Variants in NALCN observed in about 807,000 individuals in gnomAD.
NALCN encodes the protein sodium leak channel, non-selective.
NALCN carries 111 observed loss-of-function variants against 225.3 expected under a neutral mutation model. That is an observed-to-expected ratio of 0.49 (90% CI 0.42 to 0.58). NALCN has a LOEUF of 0.58. NALCN is among the 20% of genes least tolerant of loss of function. NALCN has a pLI of 0.00. For synonymous variants in NALCN, 764 were observed against 769.0 expected (o/e 0.99, Z 0.11); for missense variants, 1,378 against 2,202.4 (o/e 0.63, Z 7.49).
intron 13 of NALCN, among the ~76,000 whole-genome samples, chr13:101,201,223 T>G (rs2040108619): frequency 2.0e-5 from 3 of 152,306 alleles, no homozygotes; most frequent in Non-Finnish European, 1.5e-5. Context: ...CCTTTTAAAG[T>G]GTACGATTAA....
At chr13:101,214,633 G>A (rs2040660103) in intron 13 of NALCN, among the ~76,000 whole-genome samples, 2 of 152,114 alleles carry the variant, frequency 1.3e-5, no homozygotes, top group South Asian at 4.2e-4. Context: ...AAAAACTCCA[G>A]GGACCAAAAG....
intron 1 of NALCN, among the ~76,000 whole-genome samples, chr13:101,409,530 G>A (rs2047718980): frequency 6.6e-6 from 1 of 152,024 alleles, no homozygotes; most frequent in Admixed American, 6.6e-5. Flanking sequence ...TAATTATCCA[G>A]TGTTGGATAT....
At chr13:101,232,377 T>C (rs2041382085) in intron 12 of NALCN, among the ~76,000 whole-genome samples, 1 of 152,102 alleles carries the variant, frequency 6.6e-6, no homozygotes, top group South Asian at 2.1e-4. Context: ...ATGTAAGAAA[T>C]TATGTTGTTC....
At chr13:101,370,154 A>G (rs71441508) in intron 6 of NALCN, among the ~76,000 whole-genome samples, 1 of 152,212 alleles carries the variant, frequency 6.6e-6, no homozygotes, top group African/African-American at 2.4e-5. Flanking sequence ...TGAATATAAC[A>G]CAATATCCTC....
At chr13:101,370,458 G>A (rs1402184625) in intron 6 of NALCN, among the ~76,000 whole-genome samples, 6 of 152,190 alleles carry the variant, frequency 3.9e-5, no homozygotes, top group African/African-American at 1.2e-4. Flanking sequence ...CATGTGAGGC[G>A]GAAGACCAGG....
intron 7 of NALCN, among the ~76,000 whole-genome samples, chr13:101,318,124 C>T (rs545513440): frequency 6.6e-6 from 1 of 152,188 alleles, no homozygotes; most frequent in East Asian, 1.9e-4. Flanking sequence ...AGCCGGAAAC[C>T]TCTGTAGCCA....
At chr13:101,177,408 A>AGT (rs1417183713) in intron 14 of NALCN, among the ~76,000 whole-genome samples, 1 of 82,366 alleles carries the variant, frequency 1.2e-5, no homozygotes, top group Non-Finnish European at 2.9e-5. Context: ...AGTAAATACG[A>AGT]GTATATATAT....
Position 101,111,150 on chromosome 13 carries a change from G to A in NALCN, c.2269C>T (p.Gln757Ter). Reference sequence around the variant, plus strand: ...CTGCGCTCTTGGCGGATATGATGCTGCACGCTGAGGATTGACCTCTCCTTT... The same window carrying A: ...CTGCGCTCTTGGCGGATATGATGCTACACGCTGAGGATTGACCTCTCCTTT... ...PAKERSILSV[Q>*]HHIRQERRSL... Residue 757 changes from glutamine (Q) to a stop codon, truncating the protein, a stop_gained, in exon 19 of 44, where the codon CAG becomes TAG. Coordinates refer to ENST00000251127, the MANE Select transcript of NALCN (RefSeq NM_052867.4). LOFTEE classifies it high-confidence loss of function. 1 of 1,608,062 alleles carries A rather than the reference G, an allele frequency of 6.2e-7. No homozygotes were observed. Among genetic ancestry groups the A allele is most frequent in the Non-Finnish European group, 8.5e-7 (1 of 1,175,418 alleles).
intron 18 of NALCN, among the ~76,000 whole-genome samples, chr13:101,113,453 G>T (rs1459235874): frequency 6.6e-6 from 1 of 152,158 alleles, no homozygotes; most frequent in Admixed American, 6.5e-5. Context: ...AAGAAATTTT[G>T]CTATTTTGGA....
intron 1 of NALCN, among the ~76,000 whole-genome samples, chr13:101,413,989 G>T (rs2047860321): frequency 6.6e-6 from 1 of 151,850 alleles, no homozygotes. Flanking sequence ...GGGCTCACGC[G>T]ATCCTTCCAC....
chr13:101,380,462 TA>T (rs1490984923), intron 3 of NALCN, among the ~76,000 whole-genome samples: 1 of 152,192 alleles, frequency 6.6e-6, no homozygotes, highest in Non-Finnish European at 1.5e-5. Flanking sequence ...TTAGAAACTT[TA>T]AACAGAAAAG....
intron 15 of NALCN, among the ~76,000 whole-genome samples, chr13:101,161,451 C>A (rs2038180402): frequency 6.6e-6 from 1 of 152,194 alleles, no homozygotes; most frequent in African/African-American, 2.4e-5. Context: ...GAGACTCTCT[C>A]ACTCATGTCT....
At chr13:101,402,755 G>A (rs948730136) in intron 1 of NALCN, among the ~76,000 whole-genome samples, 10 of 152,228 alleles carry the variant, frequency 6.6e-5, no homozygotes, top group South Asian at 4.1e-4. Flanking sequence ...GTAGGAAGAC[G>A]GTGCCAACAC....
intron 7 of NALCN, among the ~76,000 whole-genome samples, chr13:101,304,877 T>C (rs2044102632): frequency 6.7e-6 from 1 of 148,692 alleles, no homozygotes. Flanking sequence ...TGCCTCAGCC[T>C]CCCGAGTAGC....
chr13:101,282,642 A>G (rs945907367), intron 10 of NALCN, among the ~76,000 whole-genome samples: 1 of 152,202 alleles, frequency 6.6e-6, no homozygotes, highest in Non-Finnish European at 1.5e-5. Flanking sequence ...TTAGATCTTA[A>G]GTGTTACCCC....
chr13:101,143,869 AAG>A (rs2037215143), intron 16 of NALCN, among the ~76,000 whole-genome samples: 4 of 152,230 alleles, frequency 2.6e-5, no homozygotes, highest in African/African-American at 9.6e-5. Context: ...AAGAATGACT[AAG>A]AGAGAATTTT....
chr13:101,081,520 T>C lies in NALCN; in HGVS notation c.3885+7A>G, dbSNP rs749114389. 5 of 1,613,998 alleles carry C rather than the reference T, an allele frequency of 3.1e-6. No homozygotes were observed. In the South Asian group the frequency reaches 3.3e-5, roughly 11 times the overall value. ...TCAGCTGAAATCAACTTGACTTCTA[T>C]GCTTACCAGGAGGGCAAAGTGAAGC... On this transcript the variant is annotated splice_region_variant and intron_variant, in intron 34 of 43. Coordinates refer to ENST00000251127, the MANE Select transcript of NALCN (RefSeq NM_052867.4).
chr13:101,295,810 T>C (rs575302003), intron 7 of NALCN, among the ~76,000 whole-genome samples: 5 of 152,366 alleles, frequency 3.3e-5, no homozygotes, highest in South Asian at 2.1e-4. Context: ...TGGACGAAGA[T>C]GGTCCTTCCT....
chr13:101,192,713 C>A (rs191693105), intron 13 of NALCN, among the ~76,000 whole-genome samples: 12 of 152,186 alleles, frequency 7.9e-5, no homozygotes, highest in Non-Finnish European at 7.4e-5. Context: ...AGCATTCCAA[C>A]AAAGGCCAGC....
Sources: allele counts gnomAD v4.1 joint callset (sites outside exome capture counted in the v4.1 genomes callset), GRCh38; gene constraint gnomAD v4.1.1; transcripts MANE v1.5; gene names NCBI Gene and HGNC (gene_info 2026-07-23, HGNC 2026-07-21).